ZC4H2: variants seen among roughly 807,000 people sequenced by gnomAD.
ZC4H2 encodes zinc finger C4H2 domain-containing protein.
For synonymous variants in ZC4H2, 84 were observed against 66.3 expected, an observed-to-expected ratio of 1.27 and a Z score of -1.30; for missense variants, 137 against 173.9, an observed-to-expected ratio of 0.79 and a Z score of 1.19.
At chrX:65,004,838 T>A (rs1412463006) in intron 1 of ZC4H2, among the ~76,000 whole-genome samples, 1 of 111,868 alleles carries the variant, frequency 8.9e-6, no homozygotes, top group African/African-American at 3.3e-5. Context: ...AACCCCATCA[T>A]CTCAGCCCCA....
intron 1 of ZC4H2, among the ~76,000 whole-genome samples, chrX:64,985,041 G>T (rs1932154603): frequency 1.8e-5 from 2 of 112,303 alleles, no homozygotes; most frequent in Non-Finnish European, 3.8e-5. Flanking sequence ...GTTCTTTTAT[G>T]GCTACATAGT....
At chrX:64,951,100 T>G (rs750307458) in intron 1 of ZC4H2, among the ~76,000 whole-genome samples, 1 of 111,588 alleles carries the variant, frequency 9.0e-6, no homozygotes, top group African/African-American at 3.3e-5. Context: ...AATGATGATT[T>G]CCAATTTCAT....
At chrX:64,977,478 T>C (rs1039170727), upstream of ZC4H2, among the ~76,000 whole-genome samples, 10 of 112,264 alleles carry the variant, frequency 8.9e-5, no homozygotes, top group African/African-American at 3.2e-4. Flanking sequence ...GGCAGACATT[T>C]ATCTAATAAA....
At chrX:65,012,877 TAAAG>T (rs199516449) in intron 1 of ZC4H2, among the ~76,000 whole-genome samples, 1,269 of 111,909 alleles carry the variant, frequency 0.011, 12 homozygotes, top group African/African-American at 0.039. Flanking sequence ...GCAGGAAAGA[TAAAG>T]AAAGAGATAG....
chrX:64,918,186 T>A (rs1411526863), intron 4 of ZC4H2: 3 of 201,362 alleles, frequency 1.5e-5, no homozygotes, highest in Non-Finnish European at 2.7e-5. Context: ...ACAGGCCCAC[T>A]TAAGGACTAT....
At chrX:65,003,206 G>C (rs1932584589) in intron 1 of ZC4H2, among the ~76,000 whole-genome samples, 1 of 108,835 alleles carries the variant, frequency 9.2e-6, no homozygotes, top group African/African-American at 3.3e-5. Flanking sequence ...ACGAAATTAA[G>C]GCAGAAATAA....
intron 1 of ZC4H2, among the ~76,000 whole-genome samples, chrX:64,954,994 A>G: frequency 8.9e-6 from 1 of 111,911 alleles, no homozygotes; most frequent in Non-Finnish European, 1.9e-5. Flanking sequence ...GCATGGACTC[A>G]TGGAGAAGCA....
In ZC4H2 at chrX:65,000,405, C is replaced by G. The variant is rs141163627; in HGVS notation, c.-272+34224G>C. Among the ~76,000 whole-genome samples the G allele has an allele frequency of 3.6e-5, 4 of 111,935 alleles. No homozygotes were observed. In the South Asian group the frequency reaches 1.5e-3, roughly 42 times the overall value. On this transcript the variant is annotated intron_variant, in intron 1 of 4. Coordinates refer to the ZC4H2 transcript ENST00000337990. ...AGCATCAACATCAACAAAAAAAGGA[C>G]GTCCTGGCAGAAATCCCATCAGAAG...
chrX:64,994,749 G>A (rs983446905), intron 1 of ZC4H2, among the ~76,000 whole-genome samples: 1 of 111,533 alleles, frequency 9.0e-6, no homozygotes, highest in African/African-American at 3.3e-5. Flanking sequence ...ACAGTTTAAA[G>A]GTGGCCCAGT....
chrX:64,959,383 T>C (rs976326558), intron 1 of ZC4H2, among the ~76,000 whole-genome samples: 10 of 100,369 alleles, frequency 1.0e-4, no homozygotes, highest in Middle Eastern at 4.3e-3. Flanking sequence ...TAATCAGTTA[T>C]TTTATTTAAT....
At chrX:64,937,594 C>T (rs1003159315) in intron 1 of ZC4H2, among the ~76,000 whole-genome samples, 1 of 111,941 alleles carries the variant, frequency 8.9e-6, no homozygotes, top group South Asian at 3.7e-4. Context: ...TCTCAGACCA[C>T]AGTGCAATTA....
chrX:64,937,127 C>A (rs1421943091), intron 1 of ZC4H2, among the ~76,000 whole-genome samples: 1 of 110,341 alleles, frequency 9.1e-6, no homozygotes, highest in African/African-American at 3.3e-5. Context: ...CAATCCTAAT[C>A]TCTGGTAAAG....
intron 1 of ZC4H2, among the ~76,000 whole-genome samples, chrX:65,023,949 C>T (rs1932856034): frequency 9.0e-6 from 1 of 111,466 alleles, no homozygotes; most frequent in African/African-American, 3.3e-5. Flanking sequence ...AGTTCCTGTC[C>T]TTTGCAGGGA....
At chrX:64,952,446 A>G (rs1930899086) in intron 1 of ZC4H2, among the ~76,000 whole-genome samples, 1 of 110,690 alleles carries the variant, frequency 9.0e-6, no homozygotes, top group Non-Finnish European at 1.9e-5. Flanking sequence ...AATCTCCTCA[A>G]GCTGATAAGC....
At chrX:64,947,258 GTCTA>G (rs1176523590) in intron 1 of ZC4H2, among the ~76,000 whole-genome samples, 3 of 111,898 alleles carry the variant, frequency 2.7e-5, no homozygotes, top group African/African-American at 9.7e-5. Flanking sequence ...CCAGGAAATG[GTCTA>G]TCTATTTTGG....
intron 1 of ZC4H2, among the ~76,000 whole-genome samples, chrX:64,934,918 G>T (rs1464875711): frequency 9.1e-6 from 1 of 109,938 alleles, no homozygotes; most frequent in Non-Finnish European, 1.9e-5. Context: ...TTGGGCAGAC[G>T]CTGAACTAGC....
intron 1 of ZC4H2, among the ~76,000 whole-genome samples, chrX:64,950,071 G>C (rs1245329180): frequency 8.9e-6 from 1 of 112,059 alleles, no homozygotes; most frequent in Admixed American, 9.5e-5. Flanking sequence ...TGGTTTCAAA[G>C]AACATCTTTA....
At chrX:64,926,519 G>C (rs1268366125) in intron 1 of ZC4H2, among the ~76,000 whole-genome samples, 1 of 111,900 alleles carries the variant, frequency 8.9e-6, no homozygotes, top group African/African-American at 3.2e-5. Context: ...AAATATGAGT[G>C]ATCCAGTCCC....
chrX:65,002,198 TAAAACACTCCTGAGCAAATGCAA>T (rs1196150016), intron 1 of ZC4H2, among the ~76,000 whole-genome samples: 1 of 112,153 alleles, frequency 8.9e-6, no homozygotes, highest in Non-Finnish European at 1.9e-5. Context: ...TAATTGGAAG[TAAAACACTCCTGAGCAAATGCAA>T]AAGAATGGAA....
Sources: gnomAD v4.1 joint callset for allele counts (sites outside exome capture counted in the v4.1 genomes callset) on GRCh38, gnomAD v4.1.1 for gene constraint, MANE v1.5 for transcripts, NCBI Gene and HGNC (gene_info 2026-07-23, HGNC 2026-07-21) for gene names.